The following ALG3 variants were observed in gnomAD, a reference collection of about 807,000 sequenced individuals.
The protein encoded by ALG3 is dol-P-Man:Man(5)GlcNAc(2)-PP-Dol alpha-1,3-mannosyltransferase.
ALG3 carries 39 observed loss-of-function variants against 50.5 expected under a neutral mutation model. That is an observed-to-expected ratio of 0.77 (90% CI 0.60 to 1.01). The LOEUF is 1.01. Ranked by LOEUF, ALG3 falls within the 50% of genes least tolerant of loss-of-function variation. ALG3 has a pLI of 0.00. For missense variants in ALG3, 520 were observed against 554.8 expected (o/e 0.94, Z 0.63); for synonymous variants, 252 against 237.2 (o/e 1.06, Z -0.58).
rs1401175140 is a variant in ALG3 at position 184,245,482 on chromosome 3, G to A, written c.430C>T (p.His144Tyr). ...ATLLLVFLIYHQTCKVPPFVF... is the reference protein window; with the variant it reads ...ATLLLVFLIYYQTCKVPPFVF... ...CATGGACTCACCTTGCAGGTCTGGT[G>A]ATAGATCAAGAAGACAAGCAGCAAG... The change falls in exon 3 of 9, where the codon CAC becomes TAC. Residue 144 changes from histidine to tyrosine, a missense_variant. This residue lies in a region of ALG3 where 290 missense variants were observed against 265.9 expected (regional missense o/e 1.09). Coordinates refer to ENST00000397676, the MANE Select transcript of ALG3 (RefSeq NM_005787.6). 1.2e-6 allele frequency: 2 copies of A among 1,614,012 alleles called. No individual in the cohort carries two copies. The highest frequency in any genetic ancestry group is 2.2e-5 in the East Asian group (1 of 44,880).
intron 1 of ALG3, among the ~76,000 whole-genome samples, chr3:184,248,516 G>A (rs776601760): frequency 1.1e-4 from 17 of 152,214 alleles, no homozygotes; most frequent in Non-Finnish European, 1.6e-4. Flanking sequence ...CAGGCTGTAA[G>A]TTCAGTGCAG....
intron 7 of ALG3, chr3:184,243,225 T>C: frequency 5.2e-6 from 3 of 573,944 alleles, no homozygotes; most frequent in South Asian, 4.6e-5. Flanking sequence ...CCTCATGAAG[T>C]CTTAATTTTT....
chr3:184,244,833 C>T (rs1400783107), intron 4 of ALG3, 112 bp from the exon 5 acceptor site: 4 of 1,416,048 alleles, frequency 2.8e-6, no homozygotes, highest in Non-Finnish European at 3.8e-6. Flanking sequence ...CGCCGCCACG[C>T]CAACAAACTC....
At position 184,248,853 on chromosome 3, in the gene ALG3, G is replaced by T; in HGVS notation, c.88C>A (p.Gln30Lys). The T allele has an allele frequency of 6.2e-7, 1 of 1,607,728 alleles. No individual in the cohort carries two copies. Among genetic ancestry groups the T allele is most frequent in the Non-Finnish European group, 8.5e-7 (1 of 1,177,468 alleles). Residue 30 changes from glutamine (Q) to lysine (K), a missense_variant, in exon 1 of 9, where the codon CAA becomes AAA. This residue lies in a region of ALG3 where 290 missense variants were observed against 265.9 expected (regional missense o/e 1.09). Coordinates refer to ENST00000397676, the MANE Select transcript of ALG3 (RefSeq NM_005787.6). ...TCCCGCAGCAGCAGGCGCCGCTCTT[G>T]CCAGGCGCGCTGCAGCCATTGCTTG... is the stretch of plus-strand genomic sequence containing the variant. ...LCKQWLQRAW[Q>K]ERRLLLREPR...
At chr3:184,249,269 T>C (rs778868468), upstream of ALG3, 13 of 1,611,508 alleles carry the variant, frequency 8.1e-6, no homozygotes. Flanking sequence ...TCGCCTGCGC[T>C]GGGAACATCT....
intron 4 of ALG3, 68 bp from the exon 5 acceptor site, chr3:184,244,789 A>G: frequency 6.4e-7 from 1 of 1,550,522 alleles, no homozygotes; most frequent in Non-Finnish European, 8.7e-7. Flanking sequence ...ACCCAAAGAC[A>G]TACCCCCCAC....
Position 184,243,598 on chromosome 3 carries a change from T to A in ALG3, c.965A>T (p.Asp322Val), listed in dbSNP as rs201776371. Residue 322 changes from aspartate to valine, a missense_variant, in exon 7 of 9, where the codon GAT (aspartate) becomes GTT (valine). Around this residue, in one of 3 missense-constraint regions of ALG3, gnomAD observed 224 missense variants for 272.8 expected, o/e 0.82. Coordinates refer to ENST00000397676, the MANE Select transcript of ALG3 (RefSeq NM_005787.6). ...TGESILSLLRDPSKRKVPPQP... is the reference protein window; with the variant it reads ...TGESILSLLRVPSKRKVPPQP... ...GGGTGGAACCTTCCTTTTGGAGGGA[T>A]CCCTCAGCAGCGACAAGATACTTTC... The A allele has an allele frequency of 3.4e-5, 55 of 1,613,814 alleles. No homozygotes were observed. In the Middle Eastern group the frequency reaches 6.6e-4, roughly 19 times the overall value.
chr3:184,243,751 T>C lies in ALG3; in HGVS notation c.932+40A>G, dbSNP rs1294988897. The stretch of plus-strand genomic sequence containing the variant: ...CCCTAAGGCTTAGGCCCTTCACTCC[T>C]TCCCCCAACTCTGCCCATGGCACTA... On this transcript the variant is annotated intron_variant, in intron 6 of 8. Coordinates refer to ENST00000397676, the MANE Select transcript of ALG3 (RefSeq NM_005787.6). The C allele has an allele frequency of 2.5e-6, 4 of 1,597,782 alleles. No homozygotes were observed. In the South Asian group the frequency reaches 3.4e-5, roughly 13 times the overall value.
chr3:184,245,197 C>T lies in ALG3; in HGVS notation c.605+1G>A, dbSNP rs372157019. The T allele has an allele frequency of 6.2e-7, 1 of 1,613,678 alleles. No individual in the cohort carries two copies. The highest frequency in any genetic ancestry group is 8.5e-7 in the Non-Finnish European group (1 of 1,179,856). On this transcript the variant is annotated splice_donor_variant, in intron 4 of 8. Coordinates refer to ENST00000397676, the MANE Select transcript of ALG3 (RefSeq NM_005787.6). LOFTEE classifies it high-confidence loss of function. ...GGGACCAGAAAGGAAGAGGTGTTGACCTGAAAAAGCAGCAACCCCAGCCCC... is the reference window on the plus strand; with the variant it reads ...GGGACCAGAAAGGAAGAGGTGTTGATCTGAAAAAGCAGCAACCCCAGCCCC...
chr3:184,242,408 G>A lies in ALG3; in HGVS notation c.*106C>T. On this transcript the variant is annotated 3_prime_UTR_variant, in exon 9 of 9. Coordinates refer to ENST00000397676, the MANE Select transcript of ALG3 (RefSeq NM_005787.6). ...AGGCATCGGCTGCCCCCACCTCCAT[G>A]TAGGTTGCACAGAGTTGGACTTAGC... The A allele has an allele frequency of 7.2e-7, 1 of 1,390,974 alleles. No homozygotes were observed. Among genetic ancestry groups the A allele is most frequent in the East Asian group, 2.5e-5 (1 of 40,388 alleles). 86.2% of individuals were successfully genotyped at this position (1,390,974 alleles called of 1,614,324 possible).
Position 184,242,449 on chromosome 3 carries a change from G to A in ALG3, c.*65C>T, listed in dbSNP as rs776636517. ...TGGACTTAGCAAGGTTTATTTGGAA[G>A]GGCAGAGTCCAACCAACCCCAGGTC... On this transcript the variant is annotated 3_prime_UTR_variant, in exon 9 of 9. Coordinates refer to ENST00000397676, the MANE Select transcript of ALG3 (RefSeq NM_005787.6). 2.1e-5 allele frequency: 33 copies of A among 1,560,604 alleles called. No homozygotes were observed. The East Asian group carries it at 6.5e-4, about 31-fold the overall frequency.
rs1435164754 is a variant in ALG3 at position 184,242,486 on chromosome 3, C to T, written c.*28G>A. 13 of 1,609,006 alleles carry T rather than the reference C, an allele frequency of 8.1e-6. No homozygotes were observed. Among genetic ancestry groups the T allele is most frequent in the Non-Finnish European group, 1.1e-5 (13 of 1,177,888 alleles). On this transcript the variant is annotated 3_prime_UTR_variant, in exon 9 of 9. Coordinates refer to ENST00000397676, the MANE Select transcript of ALG3 (RefSeq NM_005787.6). ...ACCAACCCCAGGTCCTGAGGGTAGACTCAGGTCCTGAGGGAAAGGGGTGGA... is the reference window on the plus strand; with the variant it reads ...ACCAACCCCAGGTCCTGAGGGTAGATTCAGGTCCTGAGGGAAAGGGGTGGA...
rs1276442114 is a variant in ALG3, at chr3:184,242,811, A to G, written c.1154+2T>C. 1 of 1,613,790 alleles carries G rather than the reference A, an allele frequency of 6.2e-7. No homozygotes were observed. The highest frequency in any genetic ancestry group is 1.1e-5 in the South Asian group (1 of 91,080). On this transcript the variant is annotated splice_donor_variant, in intron 8 of 8. Transcript: ENST00000397676. LOFTEE classifies it high-confidence loss of function. ...ACTCCCCCAGGTTGTCCCAGCTGGTACCTGAGCAGGTGTGTGAGCCAGCGT... is the reference window on the plus strand; with the variant it reads ...ACTCCCCCAGGTTGTCCCAGCTGGTGCCTGAGCAGGTGTGTGAGCCAGCGT...
chr3:184,249,199 G>A (rs143878600), upstream of ALG3: 449 of 1,610,036 alleles, frequency 2.8e-4, 1 homozygote, highest in East Asian at 5.7e-3. Flanking sequence ...TAGAACGAAT[G>A]TCCAGAAAAG....
upstream of ALG3, chr3:184,248,989 C>T (rs1220177565): frequency 6.5e-7 from 1 of 1,545,332 alleles, no homozygotes; most frequent in Admixed American, 2.0e-5. Context: ...GAAACCCGAA[C>T]CTTCGACACT....
At chr3:184,247,454 C>A (rs780572205) in intron 1 of ALG3, among the ~76,000 whole-genome samples, 1 of 151,608 alleles carries the variant, frequency 6.6e-6, no homozygotes, top group Non-Finnish European at 1.5e-5. Flanking sequence ...TATGCCACCA[C>A]GCCCAGCTAA....
At chr3:184,246,144 C>T (rs867310297) in intron 1 of ALG3, among the ~76,000 whole-genome samples, 1 of 152,220 alleles carries the variant, frequency 6.6e-6, no homozygotes, top group Non-Finnish European at 1.5e-5. Context: ...CCTTCGTCAA[C>T]AAGTTCTGCC....
intron 7 of ALG3, 196 bp downstream of exon 7, chr3:184,243,358 G>A: frequency 3.3e-6 from 2 of 610,200 alleles, no homozygotes; most frequent in Non-Finnish European, 2.9e-6. Context: ...GTACTCATAA[G>A]AGTAGCTCGT....
chr3:184,246,240 G>T (rs897554359), intron 1 of ALG3, among the ~76,000 whole-genome samples: 8 of 152,142 alleles, frequency 5.3e-5, no homozygotes, highest in African/African-American at 1.4e-4. Flanking sequence ...TAGCCCCAAT[G>T]AGTATACAAT....
Sources: gnomAD v4.1 joint callset for allele counts (sites outside exome capture counted in the v4.1 genomes callset) on GRCh38, gnomAD v4.1.1 for gene constraint, gnomAD v4.1.1 regional missense constraint, MANE v1.5 for transcripts, NCBI Gene and HGNC (gene_info 2026-07-23, HGNC 2026-07-21) for gene names.